The following TMEM30A variants were observed in gnomAD, a reference collection of about 807,000 sequenced individuals.
The protein encoded by TMEM30A is cell division cycle 50 P4-ATPase accessory subunit A, also known as cell cycle control protein 50A.
Under a neutral mutation model 38.2 loss-of-function variants are expected in TMEM30A, and 24 were observed. The ratio of observed to expected loss-of-function variants is 0.63; its 90% CI spans 0.46 to 0.88. The LOEUF (loss-of-function observed/expected upper bound fraction) is 0.88. Among genes scored for constraint, TMEM30A ranks in the 40% least tolerant of loss-of-function variants. The probability of loss-of-function intolerance (pLI) is 0.00; values close to 1 mark genes in which losing one functional copy is unlikely to be tolerated. For synonymous variants in TMEM30A, 145 were observed against 161.6 expected, an observed-to-expected ratio of 0.90 and a Z score of 0.78; for missense variants, 370 against 458.6, an observed-to-expected ratio of 0.81 and a Z score of 1.77.
chr6:75,282,320 CAT>C lies in TMEM30A; in HGVS notation c.237+2080_237+2081del, dbSNP rs200213244. Among the ~76,000 whole-genome samples the C allele has an allele frequency of 9.1e-3, 1,380 of 152,272 alleles. 61 individuals are homozygous for C. Among genetic ancestry groups the C allele is most frequent in the Admixed American group, 0.075 (1,140 of 15,290 alleles). ...CAGGCAACTTGAAATCAGAATTACA[CAT>C]GAGAGCCATTTGAAAAATTTCTATT... On this transcript the variant is annotated intron_variant, in intron 1 of 6. Transcript: ENST00000230461.
At chr6:75,281,693 A>G (rs1772359462) in intron 1 of TMEM30A, among the ~76,000 whole-genome samples, 1 of 152,200 alleles carries the variant, frequency 6.6e-6, no homozygotes, top group Non-Finnish European at 1.5e-5. Flanking sequence ...ACTTTAAGCT[A>G]TATTAAAAAA....
At chr6:75,277,168 C>A (rs778366811) in intron 1 of TMEM30A, among the ~76,000 whole-genome samples, 2 of 151,902 alleles carry the variant, frequency 1.3e-5, no homozygotes, top group Non-Finnish European at 2.9e-5. Flanking sequence ...AAGCACGGAC[C>A]CTTCTTTTTA....
intron 2 of TMEM30A, among the ~76,000 whole-genome samples, chr6:75,265,628 C>G (rs1772055692): frequency 6.6e-6 from 1 of 152,356 alleles, no homozygotes; most frequent in South Asian, 2.1e-4. Context: ...TTAGCCTACT[C>G]TGAGCTACCT....
At chr6:75,267,780 T>C (rs993511660) in intron 1 of TMEM30A, 32 bp from the exon 2 acceptor site, 1 of 1,464,196 alleles carries the variant, frequency 6.8e-7, no homozygotes, top group Non-Finnish European at 9.4e-7. Flanking sequence ...AAGCACTTCC[T>C]TAGAGAAAGT....
chr6:75,263,733 TATAAG>T (rs1419606754), intron 3 of TMEM30A, among the ~76,000 whole-genome samples: 1 of 152,194 alleles, frequency 6.6e-6, no homozygotes, highest in Non-Finnish European at 1.5e-5. Flanking sequence ...AAAAATAGTA[TATAAG>T]ATAATAAGGC....
intron 6 of TMEM30A, 46 bp downstream of exon 6, chr6:75,258,734 T>A: frequency 1.3e-6 from 2 of 1,568,974 alleles, no homozygotes; most frequent in Non-Finnish European, 1.7e-6. Context: ...TGGACTCGAC[T>A]CCTTTCAAGC....
At position 75,284,456 on chromosome 6, in the gene TMEM30A, G is replaced by A. The variant is rs1176579357; in HGVS notation, c.183C>T (p.Phe61=). The part of the protein sequence containing the change: ...LPIFFIIGLI[F]IPIGIGIFVT... ...CAAAAATGCCAATGCCGATGGGAAT[G>A]AAGATGAGACCGATGATGAAGAAAA... The change falls in exon 1 of 7, where the codon TTC becomes TTT. Residue 61 remains phenylalanine, a synonymous_variant. Coordinates refer to ENST00000230461, the MANE Select transcript of TMEM30A (RefSeq NM_018247.4). The A allele has an allele frequency of 6.2e-7, 1 of 1,614,166 alleles. No individual in the cohort carries two copies. Among genetic ancestry groups the A allele is most frequent in the Non-Finnish European group, 8.5e-7 (1 of 1,180,024 alleles).
intron 2 of TMEM30A, among the ~76,000 whole-genome samples, chr6:75,265,688 C>T (rs1422531667): frequency 6.6e-6 from 1 of 150,422 alleles, no homozygotes; most frequent in African/African-American, 2.4e-5. Context: ...CAGTTAGCAT[C>T]GACTTTTCAC....
chr6:75,281,353 G>A (rs1381786977), intron 1 of TMEM30A, among the ~76,000 whole-genome samples: 1 of 151,988 alleles, frequency 6.6e-6, no homozygotes, highest in Non-Finnish European at 1.5e-5. Context: ...CAAATTAAAG[G>A]AAATCTTCAT....
Position 75,259,345 on chromosome 6 carries a change from A to C in TMEM30A, c.685+2T>G. 6.2e-7 allele frequency: 1 copy of C among 1,606,656 alleles called. No homozygotes were observed. The highest frequency in any genetic ancestry group is 8.5e-7 in the Non-Finnish European group (1 of 1,177,850). ...TTTTAAGGGATATTAGTAATGTTTT[A>C]CCTTTAAATCGTTCTTCCAGGTTGT... On this transcript the variant is annotated splice_donor_variant, in intron 5 of 6. Coordinates refer to ENST00000230461, the MANE Select transcript of TMEM30A (RefSeq NM_018247.4). LOFTEE classifies it high-confidence loss of function.
chr6:75,275,224 T>C (rs965844445), intron 1 of TMEM30A, among the ~76,000 whole-genome samples: 8 of 152,210 alleles, frequency 5.3e-5, no homozygotes, highest in African/African-American at 1.9e-4. Flanking sequence ...AGGGATCTTC[T>C]TACTTTTCTT....
chr6:75,283,508 AG>A (rs1772395331), intron 1 of TMEM30A, among the ~76,000 whole-genome samples: 1 of 152,218 alleles, frequency 6.6e-6, no homozygotes, highest in South Asian at 2.1e-4. Flanking sequence ...TCGCCCCTGC[AG>A]ATAAAGATAC....
At chr6:75,270,248 A>C (rs1331218917) in intron 1 of TMEM30A, among the ~76,000 whole-genome samples, 1 of 152,204 alleles carries the variant, frequency 6.6e-6, no homozygotes, top group Non-Finnish European at 1.5e-5. Context: ...CCTACTAGGT[A>C]TGTGGTAATA....
chr6:75,262,063 A>C (rs189323348), intron 3 of TMEM30A, among the ~76,000 whole-genome samples: 1 of 152,250 alleles, frequency 6.6e-6, no homozygotes, highest in Non-Finnish European at 1.5e-5. Flanking sequence ...CTATTTGATG[A>C]GGGCCGGGTG....
At chr6:75,273,431 G>C (rs1582283509) in intron 1 of TMEM30A, among the ~76,000 whole-genome samples, 1 of 151,640 alleles carries the variant, frequency 6.6e-6, no homozygotes, top group South Asian at 2.1e-4. Context: ...TGACCTCCTG[G>C]AGTTCAGTAT....
chr6:75,269,386 A>C (rs1157283799), intron 1 of TMEM30A, among the ~76,000 whole-genome samples: 4 of 152,192 alleles, frequency 2.6e-5, no homozygotes, highest in African/African-American at 9.7e-5. Context: ...TTATATATGA[A>C]ATCATACCAT....
chr6:75,279,785 G>A (rs1772327152), intron 1 of TMEM30A, among the ~76,000 whole-genome samples: 1 of 152,070 alleles, frequency 6.6e-6, no homozygotes, highest in Admixed American at 6.5e-5. Context: ...GGGAAAGGAG[G>A]AATTTGAAAG....
chr6:75,266,355 T>C (rs928315900), intron 2 of TMEM30A, among the ~76,000 whole-genome samples: 16 of 152,196 alleles, frequency 1.1e-4, no homozygotes, highest in Non-Finnish European at 2.2e-4. Context: ...AACCTTCTTG[T>C]GGAAGAGAGG....
At chr6:75,269,544 A>G (rs1350438627) in intron 1 of TMEM30A, among the ~76,000 whole-genome samples, 1 of 152,222 alleles carries the variant, frequency 6.6e-6, no homozygotes. Flanking sequence ...TTGTTCACCT[A>G]CTGAAGGACA....
Sources: allele counts gnomAD v4.1 joint callset (sites outside exome capture counted in the v4.1 genomes callset), GRCh38; gene constraint gnomAD v4.1.1; transcripts MANE v1.5; gene names NCBI Gene and HGNC (gene_info 2026-07-23, HGNC 2026-07-21).